Variants in TMEM247 observed in about 807,000 individuals in gnomAD.
TMEM247 encodes the protein transmembrane protein ENSP00000343375.
A neutral mutation model predicts 20.7 loss-of-function variants in TMEM247; 23 were observed. That is an observed-to-expected ratio of 1.11 (90% CI 0.80 to 1.57). The LOEUF (loss-of-function observed/expected upper bound fraction) is 1.57, where lower values mean the gene tolerates loss of function less well. TMEM247 is among the 40% of genes most tolerant of loss of function. TMEM247 has a pLI of 0.00. For synonymous variants in TMEM247, 106 were observed against 111.9 expected, an observed-to-expected ratio of 0.95 and a Z score of 0.33; for missense variants, 354 against 283.8, an observed-to-expected ratio of 1.25 and a Z score of -1.78.
exon 2 of TMEM247, chr2:46,480,507 A>G: frequency 6.4e-7 from 1 of 1,551,670 alleles, no homozygotes; most frequent in Non-Finnish European, 8.7e-7. Context: ...GCTGTCCCCC[A>G]AGTCCTGCCG....
intron 2 of TMEM247, 137 bp downstream of exon 2, chr2:46,480,901 T>A (rs1686876310): frequency 8.0e-7 from 1 of 1,249,924 alleles, no homozygotes; most frequent in African/African-American, 1.5e-5. Flanking sequence ...TGAAAGGGGC[T>A]GAGCATCCAC....
chr2:46,480,699 C>A lies in TMEM247; in HGVS notation c.412C>A (p.Leu138Met), dbSNP rs768940112. ...GCAGCACGAGGTGGTGATGGAGCAG[C>A]TGCAGCGGGAGCGGCAGCACGAGGT... The change falls in exon 2 of 3, where the codon CTG (leucine) becomes ATG (methionine). Residue 138 changes from leucine to methionine, a missense_variant. Leu to Met is a conservative substitution (Grantham distance 15). Coordinates refer to ENST00000434431, the Ensembl canonical transcript of TMEM247. The A allele has an allele frequency of 3.2e-6, 5 of 1,550,776 alleles. No homozygotes were observed. The South Asian group carries it at 4.8e-5, about 15-fold the overall frequency.
intron 2 of TMEM247, among the ~76,000 whole-genome samples, chr2:46,483,631 C>T (rs987760936): frequency 3.9e-5 from 6 of 152,102 alleles, no homozygotes; most frequent in South Asian, 2.1e-4. Context: ...TCCAATGGGC[C>T]GTACAGACCA....
At chr2:46,479,829 T>A in intron 1 of TMEM247, 127 bp downstream of exon 1, 1 of 673,830 alleles carries the variant, frequency 1.5e-6, no homozygotes, top group South Asian at 1.9e-5. Flanking sequence ...ACCCCAGCCC[T>A]GTAACTGGCA....
At chr2:46,484,214 A>C in intron 2 of TMEM247, 30 bp from the exon 3 acceptor site, 1 of 1,531,372 alleles carries the variant, frequency 6.5e-7, no homozygotes, top group African/African-American at 1.4e-5. Context: ...CAATGGCATC[A>C]TCATCTCCAC....
chr2:46,479,609 G>A lies in TMEM247; in HGVS notation c.24G>A (p.Met8Ile), dbSNP rs148922746. The stretch of plus-strand genomic sequence containing the variant: ...GGATGGCAGCAGAGGACAGGGAGAT[G>A]ATGGAAGCCCGGGGTGCGGGAGAAA... Residue 8 changes from methionine (M) to isoleucine (I), a missense_variant, in exon 1 of 3, where the codon ATG becomes ATA. By Grantham distance (10) the Met-to-Ile change is conservative. Transcript: ENST00000434431. 8.8e-5 allele frequency: 136 copies of A among 1,551,756 alleles called. 1 individual carries two copies. In the African/African-American group the frequency reaches 1.3e-3, roughly 15 times the overall value.
intron 1 of TMEM247, 41 bp from the exon 2 acceptor site, chr2:46,480,364 A>C: frequency 6.7e-7 from 1 of 1,492,114 alleles, no homozygotes; most frequent in Non-Finnish European, 8.9e-7. Context: ...CCCCATCCTG[A>C]CTCTTCAAGG....
chr2:46,479,701 T>C, exon 1 of TMEM247: 2 of 1,548,032 alleles, frequency 1.3e-6, no homozygotes, highest in Non-Finnish European at 1.7e-6. Context: ...AGGGCTTATC[T>C]GGTAAGGGGG....
chr2:46,480,851 C>A, intron 2 of TMEM247, 87 bp downstream of exon 2: 1 of 1,433,174 alleles, frequency 7.0e-7, no homozygotes, highest in Non-Finnish European at 9.2e-7. Flanking sequence ...ACCTTCCCTG[C>A]TTTGCGCGGC....
intron 2 of TMEM247, among the ~76,000 whole-genome samples, chr2:46,481,334 C>T (rs2103783079): frequency 6.6e-6 from 1 of 152,336 alleles, no homozygotes; most frequent in East Asian, 1.9e-4. Context: ...AAGTACACCA[C>T]TGTTCCCTAA....
intron 1 of TMEM247, 26 bp from the exon 2 acceptor site, chr2:46,480,379 T>A (rs1401086969): frequency 6.6e-7 from 1 of 1,512,574 alleles, no homozygotes; most frequent in African/African-American, 1.4e-5. Context: ...TCAAGGTACC[T>A]CCCCTCCCTG....
intron 2 of TMEM247, among the ~76,000 whole-genome samples, chr2:46,482,168 G>T (rs997243165): frequency 2.0e-5 from 3 of 152,088 alleles, no homozygotes; most frequent in African/African-American, 7.2e-5. Context: ...CAAAATACCT[G>T]CTTCATTATA....
chr2:46,480,685 T>TC lies in TMEM247; in HGVS notation c.398_399insC (p.Val134GlyfsTer82). 1 of 1,550,386 alleles carries TC rather than the reference T, an allele frequency of 6.5e-7. No homozygotes were observed. Among genetic ancestry groups the TC allele is most frequent in the Non-Finnish European group, 8.7e-7 (1 of 1,146,450 alleles). ...AACCAGCGGCAGCGGCAGCACGAGG[T>TC]GGTGATGGAGCAGCTGCAGCGGGAG... On this transcript the variant is annotated frameshift_variant, in exon 2 of 3. Transcript: ENST00000434431. LOFTEE classifies it high-confidence loss of function.
intron 1 of TMEM247, 75 bp from the exon 2 acceptor site, chr2:46,480,330 G>A (rs1200659763): frequency 1.4e-6 from 2 of 1,427,908 alleles, no homozygotes; most frequent in Admixed American, 2.7e-5. Flanking sequence ...TGGGGCTGCG[G>A]GAGTTCCATG....
intron 2 of TMEM247, among the ~76,000 whole-genome samples, chr2:46,481,806 G>T (rs36006825): frequency 0.31 from 46,740 of 152,134 alleles, 8,766 homozygotes; most frequent in Non-Finnish European, 0.42. Flanking sequence ...GTCATCCTCA[G>T]TTCTGAGAAC....
chr2:46,481,829 C>CTT (rs2103783547), intron 2 of TMEM247, among the ~76,000 whole-genome samples: 1 of 152,326 alleles, frequency 6.6e-6, no homozygotes, highest in East Asian at 1.9e-4. Flanking sequence ...TGCCTTCTGC[C>CTT]TTTATCCAAA....
At chr2:46,484,118 AC>A (rs1277131153) in intron 2 of TMEM247, 125 bp from the exon 3 acceptor site, 6 of 856,368 alleles carry the variant, frequency 7.0e-6, no homozygotes, top group Non-Finnish European at 1.1e-5. Context: ...GGGCACTATT[AC>A]CCTTTCTTTA....
exon 3 of TMEM247, chr2:46,484,270 G>A (rs1169836580): frequency 3.2e-6 from 5 of 1,551,202 alleles, no homozygotes; most frequent in South Asian, 1.2e-5. Context: ...AGAACTTCCT[G>A]CTGCCCCAGA....
exon 2 of TMEM247, chr2:46,480,485 G>A: frequency 1.3e-6 from 2 of 1,551,688 alleles, no homozygotes; most frequent in Non-Finnish European, 8.7e-7. Flanking sequence ...GCTGCCAAGG[G>A]CCGCTTAAAT....
Sources: allele counts gnomAD v4.1 joint callset (sites outside exome capture counted in the v4.1 genomes callset), GRCh38; gene constraint gnomAD v4.1.1; transcripts MANE v1.5; gene names NCBI Gene and HGNC (gene_info 2026-07-23, HGNC 2026-07-21).